Variants in POU6F2 observed in about 807,000 individuals in gnomAD.
The protein encoded by POU6F2 is POU class 6 homeobox 2, also known as POU domain, class 6, transcription factor 2.
In POU6F2, 31 loss-of-function variants were observed where a neutral mutation model predicts 71.3. The observed-to-expected ratio is 0.43, with a 90% confidence interval of 0.33 to 0.59. The LOEUF (loss-of-function observed/expected upper bound fraction) is 0.59. Ranked by LOEUF, POU6F2 falls within the 20% of genes least tolerant of loss-of-function variation. The probability of loss-of-function intolerance (pLI) is 0.04; values close to 1 mark genes in which losing one functional copy is unlikely to be tolerated. For synonymous variants in POU6F2, 347 were observed against 355.7 expected (o/e 0.98, Z 0.27); for missense variants, 783 against 856.8 (o/e 0.91, Z 1.07).
At chr7:39,204,418 T>A in intron 3 of POU6F2, 92 bp downstream of exon 3, 1 of 1,078,640 alleles carries the variant, frequency 9.3e-7, no homozygotes, top group Non-Finnish European at 1.3e-6. Flanking sequence ...TTAAATCCAA[T>A]TGACTCCAAC....
chr7:39,426,097 G>A (rs1787964793), intron 6 of POU6F2, among the ~76,000 whole-genome samples: 1 of 152,180 alleles, frequency 6.6e-6, no homozygotes, highest in Admixed American at 6.5e-5. Context: ...AAGGGTAGCC[G>A]GCCCCTCCTG....
intron 2 of POU6F2, among the ~76,000 whole-genome samples, chr7:39,190,185 T>A (rs1793632326): frequency 6.6e-6 from 1 of 151,998 alleles, no homozygotes; most frequent in Non-Finnish European, 1.5e-5. Flanking sequence ...TGTGAGCCAC[T>A]GTGCCTGACC....
chr7:39,264,790 G>T (rs937910094), intron 4 of POU6F2, among the ~76,000 whole-genome samples: 1 of 152,154 alleles, frequency 6.6e-6, no homozygotes, highest in Non-Finnish European at 1.5e-5. Flanking sequence ...ATACATATAT[G>T]TGTGTACAGA....
chr7:39,444,767 C>A (rs1583609928), intron 7 of POU6F2, among the ~76,000 whole-genome samples: 1 of 152,194 alleles, frequency 6.6e-6, no homozygotes, highest in Non-Finnish European at 1.5e-5. Flanking sequence ...TCTTCAGAGG[C>A]CCTGTTTTCT....
intron 4 of POU6F2, among the ~76,000 whole-genome samples, chr7:39,331,630 C>T (rs200788047): frequency 2.0e-5 from 3 of 152,098 alleles, no homozygotes; most frequent in Non-Finnish European, 4.4e-5. Context: ...GCCTCAACCT[C>T]CTGAGTAGCT....
chr7:38,980,728 T>A (rs17171504), intron 1 of POU6F2, among the ~76,000 whole-genome samples: 12,260 of 152,108 alleles, frequency 0.081, 616 homozygotes, highest in East Asian at 0.12. Flanking sequence ...CTGTTCTGAG[T>A]GCTGTTCCTA....
chr7:39,076,298 A>G (rs1331700071), intron 1 of POU6F2, among the ~76,000 whole-genome samples: 2 of 150,062 alleles, frequency 1.3e-5, no homozygotes, highest in Non-Finnish European at 3.0e-5. Flanking sequence ...AAACACACTT[A>G]CTGAGAGCCT....
chr7:39,426,207 T>G (rs909960974), intron 6 of POU6F2, among the ~76,000 whole-genome samples: 1 of 152,178 alleles, frequency 6.6e-6, no homozygotes, highest in African/African-American at 2.4e-5. Context: ...CGGATAAGAA[T>G]AGCAGAAGGC....
chr7:39,124,379 T>C (rs934885623), intron 2 of POU6F2, among the ~76,000 whole-genome samples: 2 of 152,186 alleles, frequency 1.3e-5, no homozygotes, highest in Non-Finnish European at 2.9e-5. Flanking sequence ...TTTTCAGAGA[T>C]GAAATTGTCC....
At chr7:39,200,989 T>C (rs987213795) in intron 2 of POU6F2, among the ~76,000 whole-genome samples, 9 of 152,042 alleles carry the variant, frequency 5.9e-5, no homozygotes, top group Non-Finnish European at 8.8e-5. Context: ...GTCACACCAC[T>C]GCACTCTCGC....
chr7:39,232,801 G>A (rs1794599617), intron 4 of POU6F2, among the ~76,000 whole-genome samples: 1 of 152,150 alleles, frequency 6.6e-6, no homozygotes, highest in Non-Finnish European at 1.5e-5. Flanking sequence ...CTGAACTAAT[G>A]CACATGCTAA....
chr7:39,023,567 C>T (rs962004956), intron 1 of POU6F2, among the ~76,000 whole-genome samples: 4 of 151,978 alleles, frequency 2.6e-5, no homozygotes, highest in Non-Finnish European at 4.4e-5. Flanking sequence ...TTATCCAGCC[C>T]CAAATGTCAA....
chr7:39,290,660 T>G (rs1218934216), intron 4 of POU6F2, among the ~76,000 whole-genome samples: 1 of 152,210 alleles, frequency 6.6e-6, no homozygotes, highest in East Asian at 1.9e-4. Context: ...TTTTCCTCCT[T>G]AAGAGGCAGA....
At chr7:39,272,398 C>G (rs1165842730) in intron 4 of POU6F2, among the ~76,000 whole-genome samples, 4 of 152,128 alleles carry the variant, frequency 2.6e-5, no homozygotes, top group Non-Finnish European at 5.9e-5. Context: ...TCCTTCTTCC[C>G]TACCAACCAG....
chr7:39,010,436 A>T (rs1282186148), intron 1 of POU6F2, among the ~76,000 whole-genome samples: 7 of 151,412 alleles, frequency 4.6e-5, no homozygotes, highest in Non-Finnish European at 8.8e-5. Flanking sequence ...TAGTCTTGCT[A>T]GTGGTCTATG....
At chr7:39,077,908 G>T (rs1791031941) in intron 1 of POU6F2, among the ~76,000 whole-genome samples, 1 of 152,188 alleles carries the variant, frequency 6.6e-6, no homozygotes, top group African/African-American at 2.4e-5. Context: ...TAGCTTGCTT[G>T]CCTCTAATAC....
At chr7:39,344,831 C>A (rs2073538) in intron 5 of POU6F2, among the ~76,000 whole-genome samples, 38,655 of 151,886 alleles carry the variant, frequency 0.25, 5,705 homozygotes, top group East Asian at 0.58. Flanking sequence ...TTGGGTGACT[C>A]TGTGGGTGTA....
chr7:39,217,387 A>T (rs184164936), intron 4 of POU6F2, among the ~76,000 whole-genome samples: 30 of 152,236 alleles, frequency 2.0e-4, no homozygotes, highest in African/African-American at 6.0e-4. Context: ...ATTCTTGAGG[A>T]AGACAAGTAG....
intron 1 of POU6F2, among the ~76,000 whole-genome samples, chr7:38,981,911 A>G (rs1228549892): frequency 1.3e-5 from 2 of 152,192 alleles, no homozygotes; most frequent in Non-Finnish European, 2.9e-5. Flanking sequence ...AAACACACAA[A>G]TATTTCACCG....
Sources: gnomAD v4.1 joint callset for allele counts (sites outside exome capture counted in the v4.1 genomes callset) on GRCh38, gnomAD v4.1.1 for gene constraint, MANE v1.5 for transcripts, NCBI Gene and HGNC (gene_info 2026-07-23, HGNC 2026-07-21) for gene names.